The following DSCAM variants were observed in gnomAD, a reference collection of about 807,000 sequenced individuals.
The protein encoded by DSCAM is DS cell adhesion molecule.
Under a neutral mutation model 217.7 loss-of-function variants are expected in DSCAM, and 47 were observed. That is an observed-to-expected ratio of 0.22 (90% CI 0.17 to 0.28). The LOEUF (loss-of-function observed/expected upper bound fraction) is 0.28. DSCAM is among the 10% of genes least tolerant of loss of function. DSCAM has a pLI of 1.00. For missense variants in DSCAM, 2,080 were observed against 2,618.3 expected, an observed-to-expected ratio of 0.79 and a Z score of 4.49; for synonymous variants, 1,056 against 1,015.3, an observed-to-expected ratio of 1.04 and a Z score of -0.76.
At chr21:40,039,761 AT>A (rs2088709266) in intron 32 of DSCAM, among the ~76,000 whole-genome samples, 1 of 152,220 alleles carries the variant, frequency 6.6e-6, no homozygotes, top group South Asian at 2.1e-4. Context: ...ATGTAACTTG[AT>A]GGCAATTTGC....
At position 40,167,207 on chromosome 21, in the gene DSCAM, G is replaced by C. The variant is rs755490330; in HGVS notation, c.3018+11C>G. The C allele has an allele frequency of 1.2e-6, 2 of 1,613,446 alleles. No individual in the cohort carries two copies. Among genetic ancestry groups the C allele is most frequent in the Admixed American group, 1.7e-5 (1 of 59,998 alleles). ...GAAAGCACCGAGAATACAAATGTTTGCTGAGTTTACCTTCCATGTGACCCT... is the reference window on the plus strand; with the variant it reads ...GAAAGCACCGAGAATACAAATGTTTCCTGAGTTTACCTTCCATGTGACCCT... On this transcript the variant is annotated intron_variant, in intron 16 of 32. Coordinates refer to ENST00000400454, the MANE Select transcript of DSCAM (RefSeq NM_001389.5).
Position 40,105,082 on chromosome 21 carries a change from T to C in DSCAM, c.3697-11208A>G, listed in dbSNP as rs377672906. Among the ~76,000 whole-genome samples, 7 of 152,172 alleles carry C rather than the reference T, an allele frequency of 4.6e-5. No homozygotes were observed. The South Asian group carries it at 1.0e-3, about 23-fold the overall frequency. On this transcript the variant is annotated intron_variant, in intron 20 of 32. Coordinates refer to ENST00000400454, the MANE Select transcript of DSCAM (RefSeq NM_001389.5). ...GAGATTTCCAGGGCCTCTTTCTGTATGAAAATTTTAGGGGAGTATATGCTT... is the reference window on the plus strand; with the variant it reads ...GAGATTTCCAGGGCCTCTTTCTGTACGAAAATTTTAGGGGAGTATATGCTT...
intron 3 of DSCAM, among the ~76,000 whole-genome samples, chr21:40,635,144 G>A (rs914760995): frequency 2.0e-5 from 3 of 152,116 alleles, no homozygotes; most frequent in African/African-American, 2.4e-5. Context: ...AAGGAAGAAG[G>A]GACACAGAGA....
At chr21:40,662,545 T>C (rs2090149913) in intron 3 of DSCAM, among the ~76,000 whole-genome samples, 1 of 152,238 alleles carries the variant, frequency 6.6e-6, no homozygotes, top group Admixed American at 6.5e-5. Flanking sequence ...ATGCCAAAGT[T>C]ACCATTAGGA....
At chr21:40,775,682 C>T (rs2091481714) in intron 1 of DSCAM, among the ~76,000 whole-genome samples, 1 of 152,196 alleles carries the variant, frequency 6.6e-6, no homozygotes, top group East Asian at 1.9e-4. Context: ...ACACCAGCAG[C>T]TCCCAGGATC....
At chr21:40,481,001 C>T (rs2075977488) in intron 3 of DSCAM, among the ~76,000 whole-genome samples, 1 of 152,192 alleles carries the variant, frequency 6.6e-6, no homozygotes. Flanking sequence ...GCCTAGGATG[C>T]CCTACACCCT....
intron 3 of DSCAM, among the ~76,000 whole-genome samples, chr21:40,560,828 A>G (rs963330240): frequency 2.0e-5 from 3 of 152,208 alleles, no homozygotes; most frequent in Non-Finnish European, 2.9e-5. Flanking sequence ...GGAACCACAT[A>G]TTGCTAGCCC....
At chr21:40,399,707 G>A (rs141680813) in intron 3 of DSCAM, among the ~76,000 whole-genome samples, 24 of 152,220 alleles carry the variant, frequency 1.6e-4, no homozygotes, top group Non-Finnish European at 3.1e-4. Flanking sequence ...GTTAGAAGCT[G>A]CTTATTCATT....
intron 3 of DSCAM, among the ~76,000 whole-genome samples, chr21:40,606,255 A>C (rs1209052486): frequency 1.3e-5 from 2 of 152,322 alleles, no homozygotes; most frequent in East Asian, 3.9e-4. Context: ...ACTCTGTCTC[A>C]GTGTTGGTGT....
At chr21:40,488,884 G>A (rs185513171) in intron 3 of DSCAM, among the ~76,000 whole-genome samples, 5 of 152,216 alleles carry the variant, frequency 3.3e-5, no homozygotes, top group African/African-American at 2.4e-5. Flanking sequence ...AGTTCACAGC[G>A]ATTTCAAAGA....
chr21:40,622,169 C>A (rs771182674), intron 3 of DSCAM, among the ~76,000 whole-genome samples: 1 of 152,094 alleles, frequency 6.6e-6, no homozygotes, highest in Non-Finnish European at 1.5e-5. Flanking sequence ...CAATTATCAC[C>A]TGCCTCCTAT....
intron 2 of DSCAM, among the ~76,000 whole-genome samples, chr21:40,695,520 T>C (rs988502425): frequency 2.6e-5 from 4 of 152,194 alleles, no homozygotes; most frequent in Non-Finnish European, 5.9e-5. Flanking sequence ...AGCCCAGATC[T>C]TCTCAAAGCA....
intron 3 of DSCAM, among the ~76,000 whole-genome samples, chr21:40,448,839 T>G (rs1020518938): frequency 6.6e-6 from 1 of 152,168 alleles, no homozygotes; most frequent in Non-Finnish European, 1.5e-5. Flanking sequence ...ATTTATTTTG[T>G]TTTCTTGTTG....
intron 3 of DSCAM, among the ~76,000 whole-genome samples, chr21:40,474,792 G>A (rs1012374530): frequency 2.0e-5 from 3 of 152,158 alleles, no homozygotes; most frequent in African/African-American, 7.2e-5. Flanking sequence ...CCTGGGAAGG[G>A]CAGTCCGTGT....
intron 3 of DSCAM, among the ~76,000 whole-genome samples, chr21:40,643,002 T>G (rs2089901879): frequency 6.6e-6 from 1 of 152,216 alleles, no homozygotes; most frequent in Non-Finnish European, 1.5e-5. Context: ...AGGCTGGGGC[T>G]GCTGTGTGTT....
At chr21:40,196,634 C>T (rs1212065478) in intron 11 of DSCAM, among the ~76,000 whole-genome samples, 7 of 148,896 alleles carry the variant, frequency 4.7e-5, no homozygotes, top group African/African-American at 1.8e-4. Flanking sequence ...CCAATTTTTT[C>T]TTCATTTTTC....
At chr21:40,349,620 A>C (rs1376863606) in intron 5 of DSCAM, among the ~76,000 whole-genome samples, 1 of 152,176 alleles carries the variant, frequency 6.6e-6, no homozygotes, top group Non-Finnish European at 1.5e-5. Context: ...TAATCCTGTA[A>C]TTTTTGTGTT....
chr21:40,641,674 A>G (rs2089880599), intron 3 of DSCAM, among the ~76,000 whole-genome samples: 1 of 152,216 alleles, frequency 6.6e-6, no homozygotes, highest in Non-Finnish European at 1.5e-5. Flanking sequence ...GGATTTTCAG[A>G]TAAGAATTTA....
intron 3 of DSCAM, among the ~76,000 whole-genome samples, chr21:40,632,692 C>T (rs1240047167): frequency 1.3e-5 from 2 of 152,216 alleles, no homozygotes; most frequent in Non-Finnish European, 2.9e-5. Flanking sequence ...AGAGGTCTCA[C>T]TCACTCTTCA....
Sources: gnomAD v4.1 joint callset for allele counts (sites outside exome capture counted in the v4.1 genomes callset) on GRCh38, gnomAD v4.1.1 for gene constraint, MANE v1.5 for transcripts, NCBI Gene and HGNC (gene_info 2026-07-23, HGNC 2026-07-21) for gene names.